SEPTIN8: variants seen among roughly 807,000 people sequenced by gnomAD.
SEPTIN8 encodes septin-8.
Under a neutral mutation model 53.1 loss-of-function variants are expected in SEPTIN8, and 22 were observed. The ratio of observed to expected loss-of-function variants is 0.41; its 90% CI spans 0.30 to 0.59. The LOEUF (loss-of-function observed/expected upper bound fraction) is 0.59. SEPTIN8 is among the 20% of genes least tolerant of loss of function. The pLI is 0.24. For missense variants in SEPTIN8, 536 were observed against 638.7 expected (o/e 0.84, Z 1.73); for synonymous variants, 228 against 248.4 (o/e 0.92, Z 0.77).
rs1183544376 is a variant in SEPTIN8 at position 132,762,472 on chromosome 5, C to T, written c.696+12G>A. 2 of 1,613,718 alleles carry T rather than the reference C, an allele frequency of 1.2e-6. No homozygotes were observed. The highest frequency in any genetic ancestry group is 1.7e-6 in the Non-Finnish European group (2 of 1,179,738). Reference sequence around the variant, plus strand: ...TGGCCCCAGGGCCCTGAGGCCCTCACCCAACGCTCACATTCATGACTGCGT... The same window carrying T: ...TGGCCCCAGGGCCCTGAGGCCCTCATCCAACGCTCACATTCATGACTGCGT... On this transcript the variant is annotated intron_variant, in intron 5 of 9. Coordinates refer to ENST00000378719, the MANE Select transcript of SEPTIN8 (RefSeq NM_001098811.2).
intron 1 of SEPTIN8, among the ~76,000 whole-genome samples, chr5:132,766,264 GCTCCTGA>G (rs1193559271): frequency 1.3e-5 from 2 of 152,198 alleles, no homozygotes; most frequent in African/African-American, 4.8e-5. Context: ...CCAGCTCCTG[GCTCCTGA>G]CTCCTGCCAC....
intron 1 of SEPTIN8, chr5:132,774,153 A>G (rs1757579135): frequency 1.2e-5 from 2 of 166,798 alleles, no homozygotes; most frequent in South Asian, 2.1e-4. Context: ...CTCCCTGAAG[A>G]GCCCGCTTCT....
chr5:132,763,174 C>T (rs533872886), intron 4 of SEPTIN8, among the ~76,000 whole-genome samples: 2 of 152,146 alleles, frequency 1.3e-5, no homozygotes, highest in Non-Finnish European at 2.9e-5. Context: ...CACAGCACTT[C>T]CAGTCCTTCC....
Position 132,750,821 on chromosome 5 carries a change from A to G in SEPTIN8, c.*1195T>C. 1 of 1,607,598 alleles carries G rather than the reference A, an allele frequency of 6.2e-7. No homozygotes were observed. Among genetic ancestry groups the G allele is most frequent in the Non-Finnish European group, 8.5e-7 (1 of 1,177,330 alleles). On this transcript the variant is annotated 3_prime_UTR_variant, in exon 10 of 10. Transcript: ENST00000378719. ...AGAAAACAAAAGCTACTATGACATG[A>G]TGTAGGGCTTTGGCCTCTTTATTTT...
At chr5:132,765,736 A>C (rs1756518992) in intron 1 of SEPTIN8, among the ~76,000 whole-genome samples, 2 of 152,366 alleles carry the variant, frequency 1.3e-5, no homozygotes, top group South Asian at 4.1e-4. Context: ...CCAGGGGGAA[A>C]GGCCCTTCCA....
upstream of SEPTIN8, chr5:132,778,152 A>T: frequency 3.5e-6 from 3 of 854,806 alleles, no homozygotes; most frequent in Non-Finnish European, 4.2e-6. Flanking sequence ...AGCAGCTCCC[A>T]AATCCTCTGA....
intron 9 of SEPTIN8, chr5:132,758,812 G>C (rs1010171691): frequency 6.2e-7 from 1 of 1,613,896 alleles, no homozygotes; most frequent in Non-Finnish European, 8.5e-7. Context: ...ATGTAAGTCT[G>C]TGCGTGCGTT....
At chr5:132,769,093 C>A (rs1430808069) in intron 1 of SEPTIN8, among the ~76,000 whole-genome samples, 1 of 152,216 alleles carries the variant, frequency 6.6e-6, no homozygotes, top group Non-Finnish European at 1.5e-5. Flanking sequence ...GATACCAACA[C>A]CTCACTGAGG....
chr5:132,751,898 A>C lies in SEPTIN8; in HGVS notation c.*118T>G. The C allele has an allele frequency of 2.0e-6, 3 of 1,506,138 alleles. No homozygotes were observed. Among genetic ancestry groups the C allele is most frequent in the Non-Finnish European group, 2.7e-6 (3 of 1,112,456 alleles). 93.3% of individuals were successfully genotyped at this position (1,506,138 alleles called of 1,614,324 possible). A position where few individuals can be genotyped will look rare whatever the true frequency, so the allele number is the denominator to read the frequency against. The stretch of plus-strand genomic sequence containing the variant: ...CCTGATGGAAATTTAAATTGTTTGC[A>C]CTTTTGATCATTGATATAGGAAAAG... On this transcript the variant is annotated 3_prime_UTR_variant, in exon 10 of 10. Transcript: ENST00000378719.
At chr5:132,770,473 C>A (rs1757215240) in intron 1 of SEPTIN8, among the ~76,000 whole-genome samples, 1 of 152,088 alleles carries the variant, frequency 6.6e-6, no homozygotes, top group Admixed American at 6.5e-5. Flanking sequence ...AGCCACCATG[C>A]CTGGCCCAGA....
chr5:132,765,594 G>A (rs1242020050), intron 1 of SEPTIN8, 65 bp from the exon 2 acceptor site: 1 of 1,518,322 alleles, frequency 6.6e-7, no homozygotes, highest in African/African-American at 1.4e-5. Flanking sequence ...CTGCGGGGTG[G>A]GCGCTAAATC....
In SEPTIN8 at chr5:132,759,200, C is replaced by T. The variant is rs190752136; in HGVS notation, c.1286+1602G>A. Among the ~76,000 whole-genome samples, 354 of 152,316 alleles carry T rather than the reference C, an allele frequency of 2.3e-3. 1 individual carries two copies. The highest frequency in any genetic ancestry group is 6.3e-3 in the African/African-American group (261 of 41,572). ...TCCCAGTCAACCCACCTACCCCATT[C>T]CTGGCCTCCACAGAGCCGTCATGGG... On this transcript the variant is annotated intron_variant, in intron 9 of 9. Transcript: ENST00000378719.
At chr5:132,758,283 A>C (rs1755530031) in intron 9 of SEPTIN8, 1 of 1,338,778 alleles carries the variant, frequency 7.5e-7, no homozygotes, top group African/African-American at 1.5e-5. Flanking sequence ...AGAGGATATT[A>C]TTTGTCTTGA....
chr5:132,761,775 G>A lies in SEPTIN8; in HGVS notation c.793+25C>T, dbSNP rs758113449. 11 of 1,597,346 alleles carry A rather than the reference G, an allele frequency of 6.9e-6. No individual in the cohort carries two copies. In the South Asian group the frequency reaches 1.1e-4, roughly 16 times the overall value. ...GCCAGGGAACTCAGTTCTACCCCCA[G>A]GATGCATTTCCTGTCCACACTCACC... is the stretch of plus-strand genomic sequence containing the variant. On this transcript the variant is annotated intron_variant, in intron 6 of 9. Transcript: ENST00000378719. The surrounding 1 kb of genome is among the most constrained non-coding windows in gnomAD (Gnocchi z 5.8).
chr5:132,775,651 A>C (rs147761585), intron 1 of SEPTIN8: 1 of 152,242 alleles, frequency 6.6e-6, no homozygotes, highest in Admixed American at 6.5e-5. Context: ...CTCTGGCCAC[A>C]GACAAGACCC....
chr5:132,756,200 TAC>T, intron 9 of SEPTIN8: 4 of 985,438 alleles, frequency 4.1e-6, no homozygotes, highest in Non-Finnish European at 4.8e-6. Flanking sequence ...AGCCCACATT[TAC>T]ACATACACAA....
rs989802876 is a variant in SEPTIN8 at position 132,760,180 on chromosome 5, C to T, written c.1286+622G>A. 6.6e-6 allele frequency among the ~76,000 whole-genome samples: 1 copy of T among 152,042 alleles called. No individual in the cohort carries two copies. The highest frequency in any genetic ancestry group is 1.5e-5 in the Non-Finnish European group (1 of 68,018). On this transcript the variant is annotated intron_variant, in intron 9 of 9. Transcript: ENST00000378719. The surrounding 1 kb of genome is among the most constrained non-coding windows in gnomAD (Gnocchi z 5.2). ...GCCAGTGTTGGCTGGCGCGAGTGCC[C>T]GCAGTTCTCCATCACCACCTGCCAG...
chr5:132,756,833 A>G, intron 9 of SEPTIN8: 10 of 985,254 alleles, frequency 1.0e-5, no homozygotes, highest in Non-Finnish European at 1.2e-5. Flanking sequence ...AAGTCTGCAT[A>G]CTCCAGAGTC....
At chr5:132,756,748 G>T (rs912276244) in intron 9 of SEPTIN8, 2 of 985,348 alleles carry the variant, frequency 2.0e-6, no homozygotes, top group Admixed American at 1.2e-4. Context: ...GCTTAGGCCC[G>T]CAGGCAGCCA....
Sources: gnomAD v4.1 joint callset for allele counts (sites outside exome capture counted in the v4.1 genomes callset) on GRCh38, gnomAD v4.1.1 for gene constraint, Gnocchi (gnomAD v3.1) non-coding constraint, MANE v1.5 for transcripts, NCBI Gene and HGNC (gene_info 2026-07-23, HGNC 2026-07-21) for gene names.